The following UIMC1 variants were observed in gnomAD, a reference collection of about 807,000 sequenced individuals.
UIMC1 encodes ubiquitin interaction motif containing 1.
A neutral mutation model predicts 84.9 loss-of-function variants in UIMC1; 42 were observed. The ratio of observed to expected loss-of-function variants is 0.49; its 90% CI spans 0.39 to 0.64. The LOEUF is 0.64. Ranked by LOEUF, UIMC1 falls within the 30% of genes least tolerant of loss-of-function variation. The probability of loss-of-function intolerance (pLI) is 0.00; values close to 1 mark genes in which losing one functional copy is unlikely to be tolerated. For synonymous variants in UIMC1, 281 were observed against 293.0 expected (o/e 0.96, Z 0.42); for missense variants, 825 against 847.6 (o/e 0.97, Z 0.33).
At chr5:176,954,239 T>C (rs1766280929) in intron 8 of UIMC1, among the ~76,000 whole-genome samples, 1 of 152,180 alleles carries the variant, frequency 6.6e-6, no homozygotes, top group Non-Finnish European at 1.5e-5. Context: ...TCACACGCCA[T>C]CATCCTAAAC....
At chr5:176,964,508 G>T (rs981482687) in intron 6 of UIMC1, among the ~76,000 whole-genome samples, 1 of 152,016 alleles carries the variant, frequency 6.6e-6, no homozygotes, top group Non-Finnish European at 1.5e-5. Flanking sequence ...CATATAGAAA[G>T]ATATCACAAC....
At chr5:176,999,777 C>T (rs1342290761) in intron 1 of UIMC1, among the ~76,000 whole-genome samples, 1 of 152,056 alleles carries the variant, frequency 6.6e-6, no homozygotes, top group Admixed American at 6.6e-5. Flanking sequence ...TGTATAAGTA[C>T]CATATTTTCT....
chr5:176,983,053 T>TG (rs1364540471), intron 1 of UIMC1, among the ~76,000 whole-genome samples: 2 of 152,158 alleles, frequency 1.3e-5, no homozygotes, highest in African/African-American at 4.8e-5. Context: ...AGGCTGGTAT[T>TG]GAACTCCTGA....
rs957046973 is a variant in UIMC1, at chr5:176,955,813, G to A, written c.1339+146C>T. On this transcript the variant is annotated intron_variant, in intron 8 of 14. Coordinates refer to ENST00000511320, the MANE Select transcript of UIMC1 (RefSeq NM_001199298.2). ...ATTAAAAACACCTATATGTGTATAC[G>A]CATACGAGTGTTGAGACATGTACAT... is the stretch of plus-strand genomic sequence containing the variant. 11 of 621,892 alleles carry A rather than the reference G, an allele frequency of 1.8e-5. No individual in the cohort carries two copies. The East Asian group carries it at 2.3e-4, about 13-fold the overall frequency. 38.5% of individuals were successfully genotyped at this position (621,892 alleles called of 1,614,324 possible).
rs1768677968 is a variant in UIMC1, at chr5:176,968,569, T to A, written c.1186A>T (p.Thr396Ser). ...CTGACCCTTACCTGACCATGACTGG[T>A]TGTTGGTTCTTCCTCCAACAAAAGT... ...EKLLLEEEPT[T>S]SHGQSSQGIV... is the part of the protein sequence containing the mutation. The change falls in exon 6 of 15, where the codon ACC (threonine) becomes TCC (serine). Residue 396 changes from threonine (T) to serine (S), a missense_variant. Coordinates refer to ENST00000511320, the MANE Select transcript of UIMC1 (RefSeq NM_001199298.2). 1 of 1,610,172 alleles carries A rather than the reference T, an allele frequency of 6.2e-7. No individual in the cohort carries two copies. The highest frequency in any genetic ancestry group is 1.3e-5 in the African/African-American group (1 of 74,540).
upstream of UIMC1, among the ~76,000 whole-genome samples, chr5:177,010,005 A>T (rs895494841): frequency 7.2e-5 from 11 of 152,156 alleles, no homozygotes; most frequent in South Asian, 1.9e-3. Context: ...AAATTAAATT[A>T]AATTTAAAAA....
At chr5:176,909,580 G>T (rs1409009415) in intron 11 of UIMC1, among the ~76,000 whole-genome samples, 2 of 152,128 alleles carry the variant, frequency 1.3e-5, no homozygotes, top group Non-Finnish European at 2.9e-5. Context: ...TGCTATCTTG[G>T]ACATCTCTTT....
chr5:176,954,955 C>A (rs375261586), intron 8 of UIMC1, among the ~76,000 whole-genome samples: 1 of 151,968 alleles, frequency 6.6e-6, no homozygotes, highest in Admixed American at 6.6e-5. Flanking sequence ...CTATACGAGA[C>A]CTGAGGGAAA....
intron 10 of UIMC1, among the ~76,000 whole-genome samples, chr5:176,923,691 CTG>C (rs1013311680): frequency 1.3e-4 from 20 of 151,590 alleles, no homozygotes; most frequent in Non-Finnish European, 2.7e-4. Context: ...TGGTAAAACT[CTG>C]TCTCTACTAA....
chr5:176,906,263 C>A, intron 13 of UIMC1: 1 of 523,196 alleles, frequency 1.9e-6, no homozygotes, highest in East Asian at 3.1e-5. Context: ...GAATGAACAA[C>A]CTCTGAATAA....
intron 2 of UIMC1, among the ~76,000 whole-genome samples, chr5:176,976,821 A>G (rs574256398): frequency 6.6e-6 from 1 of 152,214 alleles, no homozygotes; most frequent in Non-Finnish European, 1.5e-5. Flanking sequence ...TTTTTCTGGG[A>G]GTAATGAAAA....
chr5:177,007,565 A>C (rs1775411237), upstream of UIMC1, among the ~76,000 whole-genome samples: 1 of 152,240 alleles, frequency 6.6e-6, no homozygotes, highest in Non-Finnish European at 1.5e-5. Flanking sequence ...GCTAGGTCAC[A>C]ACTACTTAAG....
At chr5:177,020,549 G>A (rs1775766850) in intron 1 of UIMC1, among the ~76,000 whole-genome samples, 2 of 152,204 alleles carry the variant, frequency 1.3e-5, no homozygotes, top group Admixed American at 1.3e-4. Flanking sequence ...TCCTGCCTCA[G>A]CCTCCCGAGT....
At chr5:177,002,459 G>T (rs1159572235) in intron 1 of UIMC1, among the ~76,000 whole-genome samples, 2 of 151,986 alleles carry the variant, frequency 1.3e-5, no homozygotes, top group Non-Finnish European at 2.9e-5. Context: ...CAATTAAGAC[G>T]GGTTCACTCT....
chr5:176,966,702 G>A (rs1411895396), intron 6 of UIMC1, among the ~76,000 whole-genome samples: 1 of 152,068 alleles, frequency 6.6e-6, no homozygotes, highest in Non-Finnish European at 1.5e-5. Context: ...GTACCAAGAT[G>A]AAGATTGGTT....
At chr5:176,983,930 C>T (rs1170177786) in intron 1 of UIMC1, among the ~76,000 whole-genome samples, 2 of 143,210 alleles carry the variant, frequency 1.4e-5, no homozygotes, top group African/African-American at 5.3e-5. Context: ...GCCACCCCAT[C>T]TGGGAAGTGA....
At chr5:176,968,061 A>C (rs1691385895) in intron 6 of UIMC1, among the ~76,000 whole-genome samples, 1 of 152,166 alleles carries the variant, frequency 6.6e-6, no homozygotes, top group South Asian at 2.1e-4. Context: ...AAATTTTTTC[A>C]TGTATTTTTG....
intron 10 of UIMC1, among the ~76,000 whole-genome samples, chr5:176,933,388 T>A (rs1042913448): frequency 1.3e-5 from 2 of 152,226 alleles, no homozygotes; most frequent in African/African-American, 4.8e-5. Context: ...ATATATTTTT[T>A]AAAAGAATAT....
chr5:176,907,932 T>C (rs1759608329), intron 12 of UIMC1, among the ~76,000 whole-genome samples: 1 of 152,204 alleles, frequency 6.6e-6, no homozygotes, highest in South Asian at 2.1e-4. Flanking sequence ...TACAATCTTG[T>C]AACACAAAAG....
Sources: gnomAD v4.1 joint callset for allele counts (sites outside exome capture counted in the v4.1 genomes callset) on GRCh38, gnomAD v4.1.1 for gene constraint, MANE v1.5 for transcripts, NCBI Gene and HGNC (gene_info 2026-07-23, HGNC 2026-07-21) for gene names.